Variants in CEP85L observed in about 807,000 individuals in gnomAD.
CEP85L encodes the protein centrosomal protein of 85 kDa-like.
Under a neutral mutation model 100.3 loss-of-function variants are expected in CEP85L, and 60 were observed. The ratio of observed to expected loss-of-function variants is 0.60; its 90% CI spans 0.49 to 0.74. The LOEUF is 0.74. CEP85L is among the 30% of genes least tolerant of loss of function. The probability of loss-of-function intolerance (pLI) is 0.00; values close to 1 mark genes in which losing one functional copy is unlikely to be tolerated. For synonymous variants in CEP85L, 319 were observed against 322.7 expected (o/e 0.99, Z 0.12); for missense variants, 973 against 936.2 (o/e 1.04, Z -0.51).
chr6:118,655,367 G>A (rs577997735), upstream of CEP85L, among the ~76,000 whole-genome samples: 170 of 152,276 alleles, frequency 1.1e-3, no homozygotes, highest in African/African-American at 3.9e-3. Context: ...TCTGCCAACA[G>A]ATGAAGTCTT....
intron 3 of CEP85L, among the ~76,000 whole-genome samples, chr6:118,531,158 A>G (rs997624885): frequency 6.6e-6 from 1 of 152,210 alleles, no homozygotes; most frequent in African/African-American, 2.4e-5. Flanking sequence ...AGAAACAGAC[A>G]CACAGACCAA....
chr6:118,566,303 T>C lies in CEP85L; in HGVS notation c.246A>G (p.Ser82=), dbSNP rs770954748. The C allele has an allele frequency of 5.0e-6, 8 of 1,611,628 alleles. No individual in the cohort carries two copies. In the South Asian group the frequency reaches 8.8e-5, roughly 18 times the overall value. The change falls in exon 3 of 13, where the codon TCA becomes TCG. Residue 82 remains serine, a synonymous_variant. Transcript: ENST00000368491. ...TAGGCTTAAAAGATAATGTGCCACT[T>C]GAAGTTGAATGATCTGGAAAGAAAA... The part of the protein sequence containing the change: ...CSDSVEDHST[S]SGTLSFKPSQ...
intron 1 of CEP85L, among the ~76,000 whole-genome samples, chr6:118,694,651 G>A (rs143513323): frequency 1.1e-3 from 167 of 152,262 alleles, no homozygotes; most frequent in African/African-American, 3.5e-3. Context: ...GTGAAAGCAA[G>A]CAGCATCACA....
intron 2 of CEP85L, among the ~76,000 whole-genome samples, chr6:118,590,029 T>G (rs1236398071): frequency 6.6e-6 from 1 of 151,844 alleles, no homozygotes; most frequent in East Asian, 1.9e-4. Flanking sequence ...GTTTCAGATT[T>G]TTTTTCTCTG....
chr6:118,696,132 G>A (rs932095659), intron 1 of CEP85L, among the ~76,000 whole-genome samples: 14 of 152,096 alleles, frequency 9.2e-5, no homozygotes, highest in African/African-American at 2.7e-4. Flanking sequence ...TTAGCCTGAT[G>A]TGGTGGCACA....
intron 1 of CEP85L, among the ~76,000 whole-genome samples, chr6:118,633,710 T>G (rs140302214): frequency 6.6e-6 from 1 of 152,222 alleles, no homozygotes; most frequent in African/African-American, 2.4e-5. Flanking sequence ...ACAAGTTAGA[T>G]GCAGAAATAA....
At chr6:118,491,596 G>T in intron 6 of CEP85L, 90 bp downstream of exon 6, 1 of 1,510,344 alleles carries the variant, frequency 6.6e-7, no homozygotes, top group Non-Finnish European at 8.8e-7. Flanking sequence ...ACATAACCTG[G>T]CATGACACCT....
intron 1 of CEP85L, among the ~76,000 whole-genome samples, chr6:118,637,312 A>G (rs899640281): frequency 9.9e-5 from 15 of 152,202 alleles, no homozygotes; most frequent in African/African-American, 3.4e-4. Context: ...TGATCTTCCT[A>G]AAATTTCTTT....
In CEP85L at chr6:118,544,403, T is replaced by C. The variant is rs540253393; in HGVS notation, c.1021-20483A>G. 3.3e-5 allele frequency among the ~76,000 whole-genome samples: 5 copies of C among 152,328 alleles called. 1 individual carries two copies. The highest frequency in any genetic ancestry group is 1.2e-4 in the African/African-American group (5 of 41,582). ...TTACACGTGCTCATTTGACTCTCAA[T>C]TGGGAATTTCTTTTTCTCCTGGTGT... On this transcript the variant is annotated intron_variant, in intron 3 of 12. Coordinates refer to ENST00000368491, the MANE Select transcript of CEP85L (RefSeq NM_001042475.3).
At position 118,523,850 on chromosome 6, in the gene CEP85L, A is replaced by T. The variant is rs1386759659; in HGVS notation, c.1091T>A (p.Leu364Ter). ...CCTTAGAAGTCCTTCTTTTATTTTC[A>T]ACATTGATTCCCACTTACTGAAATC... Reference protein sequence around the residue: ...YQDFSKWESMLKIKEGLLRQK... With the variant: ...YQDFSKWESM Residue 364 changes from leucine (L) to a stop codon, truncating the protein, a stop_gained, in exon 4 of 13, where the codon TTG becomes TAG. Coordinates refer to ENST00000368491, the MANE Select transcript of CEP85L (RefSeq NM_001042475.3). LOFTEE classifies it high-confidence loss of function. 6.2e-7 allele frequency: 1 copy of T among 1,608,446 alleles called. No individual in the cohort carries two copies. Among genetic ancestry groups the T allele is most frequent in the African/African-American group, 1.3e-5 (1 of 74,952 alleles).
In CEP85L at chr6:118,616,935, ACT is replaced by A. The variant is rs1459151064; in HGVS notation, c.232+15516_232+15517del. 3.4e-5 allele frequency among the ~76,000 whole-genome samples: 5 copies of A among 147,264 alleles called. No homozygotes were observed. The East Asian group carries it at 6.0e-4, about 18-fold the overall frequency. The stretch of plus-strand genomic sequence containing the variant: ...ACTCCAGCCTGGGCAAGAGAGCGAG[ACT>A]CTGTGTCAAAAAAAAAAAAAGGCTG... On this transcript the variant is annotated intron_variant, in intron 2 of 12. Transcript: ENST00000368491.
At chr6:118,627,564 G>T (rs1458520961) in intron 2 of CEP85L, among the ~76,000 whole-genome samples, 2 of 152,202 alleles carry the variant, frequency 1.3e-5, no homozygotes, top group Non-Finnish European at 2.9e-5. Context: ...GGGAAAACTT[G>T]AATTGTATTA....
chr6:118,707,621 G>A (rs1469556483), intron 1 of CEP85L, among the ~76,000 whole-genome samples: 1 of 152,078 alleles, frequency 6.6e-6, no homozygotes, highest in African/African-American at 2.4e-5. Flanking sequence ...AGATGCTTAT[G>A]CATTTATTTT....
intron 2 of CEP85L, among the ~76,000 whole-genome samples, chr6:118,620,882 A>G (rs750403694): frequency 1.9e-4 from 29 of 152,156 alleles, no homozygotes; most frequent in Non-Finnish European, 1.0e-4. Flanking sequence ...ATCATGCCTG[A>G]AAGTCCCACA....
chr6:118,506,191 G>A (rs892652265), intron 5 of CEP85L, among the ~76,000 whole-genome samples: 5 of 152,192 alleles, frequency 3.3e-5, no homozygotes, highest in African/African-American at 9.7e-5. Flanking sequence ...AATTCAAACT[G>A]ATGCAATTTT....
chr6:118,667,775 T>G (rs1776177806), intron 1 of CEP85L, among the ~76,000 whole-genome samples: 1 of 152,124 alleles, frequency 6.6e-6, no homozygotes, highest in Admixed American at 6.6e-5. Context: ...AATGCACAGA[T>G]CTCCCCCTTT....
intron 2 of CEP85L, among the ~76,000 whole-genome samples, chr6:118,616,595 C>T (rs13213527): frequency 0.68 from 100,770 of 147,904 alleles, 34,951 homozygotes; most frequent in Middle Eastern, 0.74. Context: ...CCAGGTATGA[C>T]GGTATGCACC....
chr6:118,640,343 T>TGGAAAAGAC (rs1774780981), intron 1 of CEP85L, among the ~76,000 whole-genome samples: 2 of 10,870 alleles, frequency 1.8e-4, no homozygotes, highest in Non-Finnish European at 6.4e-4. Context: ...TATAGCTCAG[T>TGGAAAAGAC]GTGCACTGTG....
intron 10 of CEP85L, among the ~76,000 whole-genome samples, chr6:118,471,911 T>G (rs911955604): frequency 6.6e-6 from 1 of 152,004 alleles, no homozygotes; most frequent in East Asian, 1.9e-4. Flanking sequence ...TAGCTGAAGA[T>G]CTATCCTTTC....
Sources: allele counts gnomAD v4.1 joint callset (sites outside exome capture counted in the v4.1 genomes callset), GRCh38; gene constraint gnomAD v4.1.1; transcripts MANE v1.5; gene names NCBI Gene and HGNC (gene_info 2026-07-23, HGNC 2026-07-21).